FRMPD1: variants seen among roughly 807,000 people sequenced by gnomAD.
FRMPD1 encodes the protein FERM and PDZ domain-containing protein 1.
Under a neutral mutation model 117.8 loss-of-function variants are expected in FRMPD1, and 76 were observed. The ratio of observed to expected loss-of-function variants is 0.65; its 90% CI spans 0.54 to 0.78. The LOEUF is 0.78. Ranked by LOEUF, FRMPD1 falls within the 30% of genes least tolerant of loss-of-function variation. The pLI is 0.00. For synonymous variants in FRMPD1, 783 were observed against 770.4 expected (o/e 1.02, Z -0.27); for missense variants, 1,786 against 1,964.5 (o/e 0.91, Z 1.72).
intron 14 of FRMPD1, among the ~76,000 whole-genome samples, chr9:37,739,332 C>T (rs1016193622): frequency 1.3e-5 from 2 of 152,122 alleles, no homozygotes; most frequent in African/African-American, 4.8e-5. Flanking sequence ...AGGCTCTTCC[C>T]CGTAAGCAGG....
intron 2 of FRMPD1, among the ~76,000 whole-genome samples, chr9:37,705,834 G>A (rs961145097): frequency 2.6e-5 from 4 of 151,758 alleles, no homozygotes; most frequent in African/African-American, 7.3e-5. Context: ...AAAATTAACC[G>A]GGTGTGGTAG....
At chr9:37,682,363 C>A (rs1821758429) in intron 1 of FRMPD1, among the ~76,000 whole-genome samples, 2 of 152,062 alleles carry the variant, frequency 1.3e-5, no homozygotes, top group South Asian at 4.1e-4. Context: ...GTTTTGGGGG[C>A]AATAGTGGGA....
At chr9:37,687,856 A>G (rs534733264) in intron 1 of FRMPD1, among the ~76,000 whole-genome samples, 13 of 152,230 alleles carry the variant, frequency 8.5e-5, no homozygotes, top group Non-Finnish European at 1.8e-4. Flanking sequence ...ATAACTTCCA[A>G]TCACAGCTGT....
In FRMPD1 at chr9:37,707,441, C is replaced by A. The variant is rs766396709; in HGVS notation, c.127C>A (p.Pro43Thr). Reference protein sequence around the residue: ...ARAKVAAADGPARNPTQTLIP... With the variant: ...ARAKVAAADGTARNPTQTLIP... ...GGCTAAAGTTGCTGCAGCTGATGGG[C>A]CCGCCAGGAACCCAACTCAGACCCT... The change falls in exon 3 of 16, where the codon CCC becomes ACC. Residue 43 changes from proline to threonine, a missense_variant. By Grantham distance (38) the Pro-to-Thr change is conservative (BLOSUM62 -1). Coordinates refer to ENST00000377765, the MANE Select transcript of FRMPD1 (RefSeq NM_014907.3). 19 of 1,613,700 alleles carry A rather than the reference C, an allele frequency of 1.2e-5. No individual in the cohort carries two copies. Among genetic ancestry groups the A allele is most frequent in the African/African-American group, 1.3e-5 (1 of 74,900 alleles).
chr9:37,737,374 C>G, intron 14 of FRMPD1, 131 bp downstream of exon 14: 4 of 684,212 alleles, frequency 5.8e-6, no homozygotes, highest in Non-Finnish European at 9.8e-6. Flanking sequence ...AGCTATTTCT[C>G]TGTTTATTTC....
the FRMPD1 span, among the ~76,000 whole-genome samples, chr9:37,630,257 A>G: frequency 6.6e-6 from 1 of 152,224 alleles, no homozygotes; most frequent in Non-Finnish European, 1.5e-5. Flanking sequence ...AGATTGGAAT[A>G]TGTCTTACAA....
At chr9:37,604,562 C>T in the FRMPD1 span, among the ~76,000 whole-genome samples, 1 of 152,196 alleles carries the variant, frequency 6.6e-6, no homozygotes, top group Non-Finnish European at 1.5e-5. Flanking sequence ...ATCTGGTCCT[C>T]CTTCTGTGTG....
At chr9:37,608,518 T>TG in the FRMPD1 span, among the ~76,000 whole-genome samples, 1 of 151,646 alleles carries the variant, frequency 6.6e-6, no homozygotes, top group Non-Finnish European at 1.5e-5. Context: ...CTTCCTGAGA[T>TG]GGGGGGAGGG....
chr9:37,639,697 C>A, the FRMPD1 span, among the ~76,000 whole-genome samples: 1 of 152,122 alleles, frequency 6.6e-6, no homozygotes, highest in Non-Finnish European at 1.5e-5. Flanking sequence ...ATGCACTTCC[C>A]AGGACACTAT....
At chr9:37,695,314 C>T (rs998551816) in intron 2 of FRMPD1, among the ~76,000 whole-genome samples, 1 of 152,178 alleles carries the variant, frequency 6.6e-6, no homozygotes, top group African/African-American at 2.4e-5. Context: ...TCTTTGCCAA[C>T]ACTTGCTGTT....
Position 37,740,036 on chromosome 9 carries a change from G to A in FRMPD1, c.1550-42G>A. The A allele has an allele frequency of 7.2e-7, 1 of 1,392,822 alleles. No individual in the cohort carries two copies. Among genetic ancestry groups the A allele is most frequent in the East Asian group, 2.3e-5 (1 of 43,666 alleles). 86.3% of individuals were successfully genotyped at this position (1,392,822 alleles called of 1,614,324 possible). On this transcript the variant is annotated intron_variant, in intron 14 of 15. Transcript: ENST00000377765. The surrounding 1 kb of genome is among the most constrained non-coding windows in gnomAD (Gnocchi z 4.2). ...GGGGGCTAGAAGGACACATAGGTAG[G>A]AGAATTCTGTTGTGTAACTGTTGCT...
chr9:37,698,549 C>CTTT lies in FRMPD1; in HGVS notation c.101+5835_101+5837dup, dbSNP rs531498194. 4.6e-4 allele frequency among the ~76,000 whole-genome samples: 34 copies of CTTT among 74,596 alleles called. 1 individual carries two copies. The highest frequency in any genetic ancestry group is 1.0e-3 in the African/African-American group (15 of 14,962). 48.9% of individuals were successfully genotyped at this position (74,596 alleles called of 152,430 possible). Reference sequence around the variant, plus strand: ...ACAATAGTATTATGCATCTCATTATCTTTTTTTTTTTTTTTTTTTTTTTTT... The same window carrying CTTT: ...ACAATAGTATTATGCATCTCATTATCTTTTTTTTTTTTTTTTTTTTTTTTTTTT... On this transcript the variant is annotated intron_variant, in intron 2 of 15. Transcript: ENST00000377765.
Position 37,745,445 on chromosome 9 carries a change from G to A in FRMPD1, c.3413G>A (p.Gly1138Asp). The A allele has an allele frequency of 6.2e-7, 1 of 1,613,908 alleles. No homozygotes were observed. The highest frequency in any genetic ancestry group is 1.1e-5 in the South Asian group (1 of 91,078). The change falls in exon 16 of 16, where the codon GGT becomes GAT. Residue 1138 changes from glycine to aspartate, a missense_variant. Transcript: ENST00000377765. Reference sequence around the variant, plus strand: ...AGGAAGGATTCAGGTGACTCCCCGGGTGATGTGTCAAATAATGTTTCACAG... The same window carrying A: ...AGGAAGGATTCAGGTGACTCCCCGGATGATGTGTCAAATAATGTTTCACAG... ...ESRKDSGDSP[G>D]DVSNNVSQTL...
At chr9:37,701,510 CGTGTGTGT>C (rs58458625) in intron 2 of FRMPD1, among the ~76,000 whole-genome samples, 46,065 of 146,778 alleles carry the variant, frequency 0.31, 8,027 homozygotes, top group Non-Finnish European at 0.42. Flanking sequence ...TGTGCATGTA[CGTGTGTGT>C]GTGTGTGTGT....
rs777825067 is a variant in FRMPD1 at position 37,692,683 on chromosome 9, A to C, written c.42A>C (p.Ala14=). ...LETSLFQTRK[A]HRIEQMVARW... ...CCAGTTTATTCCAGACACGGAAAGC[A>C]CATAGAATAGAACAAATGGTGGCAA... is the stretch of plus-strand genomic sequence containing the variant. Residue 14 remains alanine (A), a synonymous_variant, in exon 2 of 16, where the codon GCA becomes GCC. Coordinates refer to ENST00000377765, the MANE Select transcript of FRMPD1 (RefSeq NM_014907.3). 2.5e-6 allele frequency: 4 copies of C among 1,614,042 alleles called. No individual in the cohort carries two copies. The highest frequency in any genetic ancestry group is 1.7e-5 in the Admixed American group (1 of 60,024).
At chr9:37,741,660 C>G (rs1299774241) in intron 15 of FRMPD1, among the ~76,000 whole-genome samples, 2 of 152,180 alleles carry the variant, frequency 1.3e-5, no homozygotes, top group Non-Finnish European at 2.9e-5. Context: ...AGAGAAAGGC[C>G]AGCTCCTCTG....
the FRMPD1 span, among the ~76,000 whole-genome samples, chr9:37,605,536 A>G: frequency 1.3e-5 from 2 of 152,186 alleles, no homozygotes; most frequent in African/African-American, 4.8e-5. Flanking sequence ...ATTAGATTGT[A>G]CATATTCTGT....
the FRMPD1 span, among the ~76,000 whole-genome samples, chr9:37,638,264 G>A: frequency 1.5e-4 from 23 of 151,926 alleles, no homozygotes; most frequent in African/African-American, 4.8e-4. Flanking sequence ...AGTAGAGACA[G>A]GTTTCACCAT....
chr9:37,668,564 AG>A (rs1339227014), intron 1 of FRMPD1: 3 of 152,230 alleles, frequency 2.0e-5, no homozygotes, highest in African/African-American at 7.2e-5. Context: ...TTTCTTTCCG[AG>A]GAAGAGTCCC....
Sources: allele counts gnomAD v4.1 joint callset (sites outside exome capture counted in the v4.1 genomes callset), GRCh38; gene constraint gnomAD v4.1.1; non-coding constraint Gnocchi (gnomAD v3.1); transcripts MANE v1.5; gene names NCBI Gene and HGNC (gene_info 2026-07-23, HGNC 2026-07-21).